The following STAU1 variants were observed in gnomAD, a reference collection of about 807,000 sequenced individuals.
STAU1 encodes the protein staufen double-stranded RNA binding protein 1, also known as double-stranded RNA-binding protein Staufen homolog 1.
In STAU1, 13 loss-of-function variants were observed where a neutral mutation model predicts 62.9. The ratio of observed to expected loss-of-function variants is 0.21; its 90% CI spans 0.13 to 0.33. The LOEUF (loss-of-function observed/expected upper bound fraction) is 0.33. STAU1 is among the 10% of genes least tolerant of loss of function. STAU1 has a pLI of 1.00. For missense variants in STAU1, 571 were observed against 712.1 expected, an observed-to-expected ratio of 0.80 and a Z score of 2.25; for synonymous variants, 269 against 265.1, an observed-to-expected ratio of 1.01 and a Z score of -0.14.
At chr20:49,135,184 T>C (rs1364743140) in intron 6 of STAU1, among the ~76,000 whole-genome samples, 1 of 152,218 alleles carries the variant, frequency 6.6e-6, no homozygotes, top group Non-Finnish European at 1.5e-5. Context: ...GAAAGTGGGT[T>C]ATCAAGGGTG....
At chr20:49,118,220 G>C in intron 10 of STAU1, 113 bp downstream of exon 10, 1 of 1,380,568 alleles carries the variant, frequency 7.2e-7, no homozygotes. Flanking sequence ...ATCAGGGAAT[G>C]ATAAAGACAC....
chr20:49,193,908 G>A, the STAU1 span, among the ~76,000 whole-genome samples: 1 of 151,892 alleles, frequency 6.6e-6, no homozygotes, highest in Admixed American at 6.6e-5. Context: ...GGCGGAGCTT[G>A]CAGTGAGCAG....
intron 3 of STAU1, among the ~76,000 whole-genome samples, chr20:49,165,502 G>C (rs565697155): frequency 6.7e-6 from 1 of 149,830 alleles, no homozygotes; most frequent in Non-Finnish European, 1.5e-5. Flanking sequence ...AGCCCAGCTA[G>C]TTTGTGTATT....
intron 6 of STAU1, among the ~76,000 whole-genome samples, chr20:49,126,588 C>CAAAAAAAAAAAAAAAAAAAAAAAAAAAAA: frequency 1.8e-5 from 1 of 56,348 alleles, no homozygotes; most frequent in Non-Finnish European, 3.7e-5. Context: ...AAAAAAAAAA[C>CAAAAAAAAAAAAAAAAAAAAAAAAAAAAA]AAAAAAAAAA....
intron 5 of STAU1, among the ~76,000 whole-genome samples, chr20:49,146,372 C>T (rs921499620): frequency 2.0e-5 from 3 of 152,124 alleles, no homozygotes; most frequent in Non-Finnish European, 4.4e-5. Context: ...GAAAGAGCTG[C>T]ATTTATTCAT....
intron 5 of STAU1, among the ~76,000 whole-genome samples, chr20:49,136,655 G>A (rs2092890892): frequency 6.6e-6 from 1 of 152,090 alleles, no homozygotes; most frequent in Admixed American, 6.6e-5. Context: ...GATTAAGTCT[G>A]TCCACATGAG....
At position 49,188,273 on chromosome 20, in the gene STAU1, G is replaced by C. The variant is rs1010601009; in HGVS notation, c.-317C>G. 13 of 149,690 alleles carry C rather than the reference G, an allele frequency of 8.7e-5. No homozygotes were observed. The highest frequency in any genetic ancestry group is 3.0e-4 in the African/African-American group (12 of 40,536). The allele number at this position is 149,690 out of a possible 1,614,324, so 9.3% of individuals were successfully genotyped here. ...GCGGGCGCCGCCGGGCCGGGGGGGG[G>C]AGGCGGTCAAAGGAAGCGGGAGCCG... On this transcript the variant is annotated 5_prime_UTR_variant, in exon 1 of 14. Coordinates refer to ENST00000371856, the MANE Select transcript of STAU1 (RefSeq NM_017453.4).
At position 49,114,891 on chromosome 20, in the gene STAU1, C is replaced by A. The variant is rs764508872; in HGVS notation, c.1721G>T (p.Cys574Phe). Residue 574 changes from cysteine to phenylalanine, a missense_variant and splice_region_variant, in exon 14 of 14, where the codon TGT becomes TTT. Coordinates refer to ENST00000371856, the MANE Select transcript of STAU1 (RefSeq NM_017453.4). ...GCCAGAAAAGGTTCAGCACCTCCCA[C>A]ACCTTTAAGGAAGAAAAATGAAAAT... ...PRTGNGPMSV[C>F]GRC 3 of 1,613,418 alleles carry A rather than the reference C, an allele frequency of 1.9e-6. No individual in the cohort carries two copies. The South Asian group carries it at 3.3e-5, about 18-fold the overall frequency.
intron 1 of STAU1, among the ~76,000 whole-genome samples, chr20:49,178,579 T>C (rs2093686895): frequency 6.6e-6 from 1 of 151,688 alleles, no homozygotes; most frequent in Non-Finnish European, 1.5e-5. Flanking sequence ...TGAAACACTG[T>C]CTCTACTAAA....
intron 3 of STAU1, among the ~76,000 whole-genome samples, chr20:49,163,971 C>G (rs1178577422): frequency 6.6e-6 from 1 of 152,058 alleles, no homozygotes; most frequent in Non-Finnish European, 1.5e-5. Flanking sequence ...ATGACTCACA[C>G]CTGTAATTCC....
At chr20:49,119,085 T>C (rs1337616046) in intron 9 of STAU1, among the ~76,000 whole-genome samples, 1 of 152,204 alleles carries the variant, frequency 6.6e-6, no homozygotes, top group South Asian at 2.1e-4. Flanking sequence ...TGATTTCAAG[T>C]TTATCTCACC....
At chr20:49,138,148 T>C (rs944774142) in intron 5 of STAU1, among the ~76,000 whole-genome samples, 3 of 152,012 alleles carry the variant, frequency 2.0e-5, no homozygotes, top group African/African-American at 7.3e-5. Context: ...GCAGGTGCGG[T>C]GTCGCACATC....
chr20:49,210,957 C>T, the STAU1 span, among the ~76,000 whole-genome samples: 2 of 152,208 alleles, frequency 1.3e-5, no homozygotes, highest in South Asian at 2.1e-4. Flanking sequence ...AGCAGTTAGT[C>T]CCCATCCCCC....
At chr20:49,135,026 G>A (rs548755172) in intron 6 of STAU1, 37 of 1,583,470 alleles carry the variant, frequency 2.3e-5, no homozygotes, top group South Asian at 4.4e-5. Context: ...AAGGGAGCCC[G>A]GGCAGCCGCC....
chr20:49,170,830 A>G (rs2093587805), intron 2 of STAU1, among the ~76,000 whole-genome samples: 1 of 151,306 alleles, frequency 6.6e-6, no homozygotes, highest in Non-Finnish European at 1.5e-5. Context: ...CCAATTCTGG[A>G]GAAGCCTCCT....
intron 3 of STAU1, among the ~76,000 whole-genome samples, chr20:49,162,073 C>T (rs1221151166): frequency 1.3e-5 from 2 of 152,172 alleles, no homozygotes; most frequent in African/African-American, 4.8e-5. Flanking sequence ...TCGCTAAACT[C>T]AACATGCCAC....
chr20:49,161,589 C>CA (rs1161088370), intron 3 of STAU1, among the ~76,000 whole-genome samples: 1 of 152,180 alleles, frequency 6.6e-6, no homozygotes, highest in Non-Finnish European at 1.5e-5. Context: ...CTTGCTCACA[C>CA]AAAAGCCTAT....
intron 1 of STAU1, among the ~76,000 whole-genome samples, chr20:49,181,766 CAAAAAAAAA>C (rs758956478): frequency 1.2e-4 from 3 of 24,522 alleles, no homozygotes; most frequent in Non-Finnish European, 2.1e-4. Flanking sequence ...ACTATCTCAA[CAAAAAAAAA>C]AAAAAAAAAA....
chr20:49,158,445 C>T, intron 3 of STAU1: 5 of 1,304,760 alleles, frequency 3.8e-6, no homozygotes, highest in Non-Finnish European at 5.1e-6. Flanking sequence ...GCCTTCATAG[C>T]TGATTTTTCT....
Sources: allele counts gnomAD v4.1 joint callset (sites outside exome capture counted in the v4.1 genomes callset), GRCh38; gene constraint gnomAD v4.1.1; transcripts MANE v1.5; gene names NCBI Gene and HGNC (gene_info 2026-07-23, HGNC 2026-07-21).